RNGTT: variants seen among roughly 807,000 people sequenced by gnomAD.
RNGTT encodes RNA guanylyltransferase and 5'-phosphatase.
In RNGTT, 33 loss-of-function variants were observed where a neutral mutation model predicts 79.3. The ratio of observed to expected loss-of-function variants is 0.42; its 90% CI spans 0.32 to 0.56. The LOEUF is 0.56. Ranked by LOEUF, RNGTT falls within the 20% of genes least tolerant of loss-of-function variation. The probability of loss-of-function intolerance (pLI) is 0.17; values close to 1 mark genes in which losing one functional copy is unlikely to be tolerated. For missense variants in RNGTT, 497 were observed against 739.1 expected (o/e 0.67, Z 3.80); for synonymous variants, 222 against 235.9 (o/e 0.94, Z 0.54).
chr6:88,727,421 T>TTGG (rs1776953275), intron 13 of RNGTT, among the ~76,000 whole-genome samples: 1 of 152,230 alleles, frequency 6.6e-6, no homozygotes, highest in Non-Finnish European at 1.5e-5. Flanking sequence ...TAAAGGTGTA[T>TTGG]CATCCAGTTT....
chr6:88,726,986 TG>T (rs536043418), intron 13 of RNGTT, among the ~76,000 whole-genome samples: 8 of 143,068 alleles, frequency 5.6e-5, no homozygotes, highest in Non-Finnish European at 1.1e-4. Flanking sequence ...TTATCATCTC[TG>T]GGGAAAAAAA....
At chr6:88,632,503 A>C (rs1772929813) in intron 14 of RNGTT, among the ~76,000 whole-genome samples, 1 of 151,124 alleles carries the variant, frequency 6.6e-6, no homozygotes, top group Non-Finnish European at 1.5e-5. Flanking sequence ...TGCAAGAAAA[A>C]CAGTTTATAT....
At chr6:88,852,088 G>T (rs867444206) in intron 9 of RNGTT, among the ~76,000 whole-genome samples, 1 of 152,088 alleles carries the variant, frequency 6.6e-6, no homozygotes, top group Middle Eastern at 3.4e-3. Flanking sequence ...TAACTAACTA[G>T]ATGTGATTTA....
intron 13 of RNGTT, among the ~76,000 whole-genome samples, chr6:88,737,133 G>T (rs577734395): frequency 6.6e-6 from 1 of 152,148 alleles, no homozygotes; most frequent in Non-Finnish European, 1.5e-5. Context: ...TTTTGGACTT[G>T]TTTGGGACAT....
intron 13 of RNGTT, among the ~76,000 whole-genome samples, chr6:88,758,124 A>G (rs1409216044): frequency 6.6e-6 from 1 of 152,148 alleles, no homozygotes; most frequent in Non-Finnish European, 1.5e-5. Context: ...CTTTGTCTCT[A>G]TATTGCTTCA....
At chr6:88,713,947 G>A (rs565823233) in intron 13 of RNGTT, among the ~76,000 whole-genome samples, 8 of 152,206 alleles carry the variant, frequency 5.3e-5, no homozygotes, top group Non-Finnish European at 7.4e-5. Flanking sequence ...TTACGGGCAC[G>A]GTCTATTGGG....
chr6:88,923,827 A>C (rs534267472), intron 4 of RNGTT, among the ~76,000 whole-genome samples: 2 of 152,350 alleles, frequency 1.3e-5, no homozygotes, highest in South Asian at 4.1e-4. Flanking sequence ...TTTAAAAAAA[A>C]ACAGGTGTTC....
chr6:88,901,723 G>C (rs1484742216), intron 6 of RNGTT, among the ~76,000 whole-genome samples: 2 of 151,786 alleles, frequency 1.3e-5, no homozygotes, highest in African/African-American at 4.8e-5. Context: ...TGTCCAGGCT[G>C]GTCTCGAACT....
chr6:88,673,456 T>C (rs865865406), intron 14 of RNGTT, among the ~76,000 whole-genome samples: 37 of 152,336 alleles, frequency 2.4e-4, no homozygotes, highest in African/African-American at 7.5e-4. Context: ...GATTTTAAAA[T>C]TGTTATCCCA....
intron 13 of RNGTT, among the ~76,000 whole-genome samples, chr6:88,693,048 T>C (rs190257751): frequency 2.6e-5 from 4 of 151,388 alleles, no homozygotes; most frequent in African/African-American, 9.7e-5. Flanking sequence ...AAAAAAGATC[T>C]CAAACAACCT....
chr6:88,928,907 A>T, intron 4 of RNGTT, 78 bp downstream of exon 4: 1 of 1,064,040 alleles, frequency 9.4e-7, no homozygotes, highest in Non-Finnish European at 1.4e-6. Context: ...TTTCATATCA[A>T]CTTATTTGCA....
intron 2 of RNGTT, among the ~76,000 whole-genome samples, chr6:88,940,665 G>A (rs1235335091): frequency 1.3e-5 from 2 of 152,118 alleles, no homozygotes; most frequent in Non-Finnish European, 2.9e-5. Context: ...GCGAGTACAG[G>A]GACGGGGTGA....
At chr6:88,627,393 C>T (rs1341693226) in intron 14 of RNGTT, among the ~76,000 whole-genome samples, 1 of 152,054 alleles carries the variant, frequency 6.6e-6, no homozygotes, top group East Asian at 1.9e-4. Context: ...CAAGGACATG[C>T]TAACAATTTG....
At chr6:88,771,180 T>A (rs1189757639) in intron 12 of RNGTT, among the ~76,000 whole-genome samples, 2 of 151,238 alleles carry the variant, frequency 1.3e-5, no homozygotes, top group Non-Finnish European at 3.0e-5. Flanking sequence ...TTTCCTAAAG[T>A]CATTACAATT....
At chr6:88,644,257 A>G (rs1400417352) in intron 14 of RNGTT, among the ~76,000 whole-genome samples, 1 of 152,224 alleles carries the variant, frequency 6.6e-6, no homozygotes, top group African/African-American at 2.4e-5. Context: ...TCTAGAAGAA[A>G]TGGATAAATT....
intron 11 of RNGTT, among the ~76,000 whole-genome samples, chr6:88,814,024 T>C (rs933465285): frequency 6.6e-6 from 1 of 152,154 alleles, no homozygotes; most frequent in African/African-American, 2.4e-5. Context: ...CTGGTAAGGC[T>C]AGGTTATAAC....
chr6:88,780,499 C>A (rs776217110), intron 12 of RNGTT, among the ~76,000 whole-genome samples: 14 of 152,022 alleles, frequency 9.2e-5, no homozygotes, highest in African/African-American at 1.2e-4. Flanking sequence ...TACATGTTCT[C>A]GTGTATAGTC....
intron 14 of RNGTT, among the ~76,000 whole-genome samples, chr6:88,663,571 G>T (rs572978919): frequency 6.6e-6 from 1 of 152,112 alleles, no homozygotes; most frequent in Non-Finnish European, 1.5e-5. Context: ...GGTTCTGTCC[G>T]ACCCCACATC....
At chr6:88,718,932 C>T (rs1776615123) in intron 13 of RNGTT, among the ~76,000 whole-genome samples, 1 of 152,122 alleles carries the variant, frequency 6.6e-6, no homozygotes, top group Non-Finnish European at 1.5e-5. Context: ...CTCATTGCAA[C>T]AGAAGGCTAT....
Sources: gnomAD v4.1 joint callset for allele counts (sites outside exome capture counted in the v4.1 genomes callset) on GRCh38, gnomAD v4.1.1 for gene constraint, MANE v1.5 for transcripts, NCBI Gene and HGNC (gene_info 2026-07-23, HGNC 2026-07-21) for gene names.